GSTZ1: variants seen among roughly 807,000 people sequenced by gnomAD.
GSTZ1 encodes the protein maleylacetoacetate isomerase.
A neutral mutation model predicts 35.9 loss-of-function variants in GSTZ1; 34 were observed. The ratio of observed to expected loss-of-function variants is 0.95; its 90% CI spans 0.72 to 1.26. The LOEUF (loss-of-function observed/expected upper bound fraction) is 1.26. Ranked by LOEUF, GSTZ1 falls within the 50% of genes most tolerant of loss-of-function variation. GSTZ1 has a pLI of 0.00. For synonymous variants in GSTZ1, 93 were observed against 101.2 expected, an observed-to-expected ratio of 0.92 and a Z score of 0.49; for missense variants, 263 against 271.7, an observed-to-expected ratio of 0.97 and a Z score of 0.23.
intron 7 of GSTZ1, 164 bp downstream of exon 7, chr14:77,329,971 C>T: frequency 1.5e-6 from 1 of 661,416 alleles, no homozygotes; most frequent in Non-Finnish European, 2.7e-6. Flanking sequence ...GAGGGAGTTA[C>T]TCAAGGTAGA....
At chr14:77,329,721 C>G (rs1316865623) in intron 6 of GSTZ1, 34 bp from the exon 7 acceptor site, 5 of 1,582,432 alleles carry the variant, frequency 3.2e-6, no homozygotes, top group Admixed American at 1.7e-5. Context: ...CCTCCCTGCG[C>G]CCAGAATAAG....
intron 3 of GSTZ1, 32 bp downstream of exon 3, chr14:77,326,937 G>T: frequency 2.7e-6 from 4 of 1,474,744 alleles, no homozygotes; most frequent in Non-Finnish European, 3.8e-6. Flanking sequence ...CACAATGTGG[G>T]AATTGGAGGC....
At chr14:77,330,465 A>G in intron 8 of GSTZ1, 106 bp downstream of exon 8, 2 of 926,898 alleles carry the variant, frequency 2.2e-6, no homozygotes, top group Non-Finnish European at 3.6e-6. Flanking sequence ...CAACCAGCCA[A>G]GGAGCCCACC....
rs994302507 is a variant in GSTZ1, at chr14:77,331,488, A to C, written c.*293A>C. Reference sequence around the variant, plus strand: ...TAAAATGCCTGGCGTGCTCACCGTAACACCACGGGGAAGGCTGTGTGCCTT... The same window carrying C: ...TAAAATGCCTGGCGTGCTCACCGTACCACCACGGGGAAGGCTGTGTGCCTT... On this transcript the variant is annotated 3_prime_UTR_variant, in exon 9 of 9. Coordinates refer to ENST00000216465, the MANE Select transcript of GSTZ1 (RefSeq NM_145870.3). The C allele has an allele frequency of 1.5e-5, 5 of 342,478 alleles. No individual in the cohort carries two copies. The Admixed American group carries it at 2.1e-4, about 14-fold the overall frequency. The allele number at this position is 342,478 out of a possible 1,614,324, so 21.2% of individuals were successfully genotyped here. A position where few individuals can be genotyped will look rare whatever the true frequency, so the allele number is the denominator to read the frequency against.
chr14:77,331,058 C>T lies in GSTZ1; in HGVS notation c.525-11C>T. 1.2e-6 allele frequency: 2 copies of T among 1,612,896 alleles called. No individual in the cohort carries two copies. Among genetic ancestry groups the T allele is most frequent in the Non-Finnish European group, 8.5e-7 (1 of 1,179,174 alleles). On this transcript the variant is annotated splice_polypyrimidine_tract_variant and intron_variant, in intron 8 of 8. Transcript: ENST00000216465. Reference sequence around the variant, plus strand: ...GAAAACCTTAGCTTAGCAGGTGTTTCTCTACTACAGATTCAAGGTGGATCT... The same window carrying T: ...GAAAACCTTAGCTTAGCAGGTGTTTTTCTACTACAGATTCAAGGTGGATCT...
At chr14:77,327,052 G>A (rs1892356109) in intron 3 of GSTZ1, 147 bp downstream of exon 3, 4 of 656,092 alleles carry the variant, frequency 6.1e-6, no homozygotes, top group Non-Finnish European at 1.1e-5. Context: ...TCTCCCTTGT[G>A]GGACAAGGTG....
intron 4 of GSTZ1, 41 bp downstream of exon 4, chr14:77,327,593 G>T (rs1892390721): frequency 7.6e-7 from 1 of 1,317,020 alleles, no homozygotes; most frequent in African/African-American, 1.4e-5. Flanking sequence ...TGAGAGCAGT[G>T]CCCTGAATGA....
chr14:77,330,796 C>A (rs1422472823), intron 8 of GSTZ1, among the ~76,000 whole-genome samples: 1 of 152,288 alleles, frequency 6.6e-6, no homozygotes, highest in East Asian at 1.9e-4. Context: ...AAGAAGCTTA[C>A]AACATGGGGG....
intron 5 of GSTZ1, chr14:77,328,904 A>G (rs533549499): frequency 1.7e-6 from 1 of 587,052 alleles, no homozygotes; most frequent in Non-Finnish European, 3.0e-6. Context: ...TGGCTTTTTG[A>G]GGCCACTGGG....
At chr14:77,321,318 G>A (rs1305880221) in intron 1 of GSTZ1, 135 bp downstream of exon 1, 4 of 1,530,136 alleles carry the variant, frequency 2.6e-6, no homozygotes, top group Non-Finnish European at 2.6e-6. Context: ...CGCCGGGCAC[G>A]CTCTGCGCCT....
At position 77,331,303 on chromosome 14, in the gene GSTZ1, T is replaced by G; in HGVS notation, c.*108T>G. On this transcript the variant is annotated 3_prime_UTR_variant, in exon 9 of 9. Coordinates refer to ENST00000216465, the MANE Select transcript of GSTZ1 (RefSeq NM_145870.3). ...TTGAGGAGATGGGAGACTCGAACTC[T>G]AGCCCTGGATCTGCCTTCCTGCTGA... The G allele has an allele frequency of 1.6e-6, 2 of 1,269,012 alleles. No individual in the cohort carries two copies. The highest frequency in any genetic ancestry group is 1.5e-5 in the South Asian group (1 of 66,694). The allele number at this position is 1,269,012 out of a possible 1,614,324, so 78.6% of individuals were successfully genotyped here.
intron 4 of GSTZ1, 127 bp from the exon 5 acceptor site, chr14:77,327,785 G>A (rs973594110): frequency 3.2e-6 from 3 of 942,070 alleles, no homozygotes; most frequent in Non-Finnish European, 5.0e-6. Flanking sequence ...CTTGAGCTGA[G>A]CAGAAGCAGG....
chr14:77,323,714 T>C (rs1383145770), intron 1 of GSTZ1: 1 of 152,236 alleles, frequency 6.6e-6, no homozygotes, highest in Non-Finnish European at 1.5e-5. Context: ...ACAGAAATTC[T>C]GAGGGCCAGA....
intron 8 of GSTZ1, among the ~76,000 whole-genome samples, chr14:77,330,671 C>G (rs919079604): frequency 6.6e-6 from 1 of 152,130 alleles, no homozygotes; most frequent in Non-Finnish European, 1.5e-5. Context: ...CAGTAGTGAG[C>G]TCTACCTCTG....
At chr14:77,324,484 T>G in intron 1 of GSTZ1, 1 of 855,292 alleles carries the variant, frequency 1.2e-6, no homozygotes, top group South Asian at 1.4e-5. Flanking sequence ...GTTCCCCCAA[T>G]GCCTGGGTAG....
chr14:77,321,613 G>A (rs1354674449), intron 1 of GSTZ1: 2 of 1,006,594 alleles, frequency 2.0e-6, no homozygotes, highest in Admixed American at 4.4e-5. Flanking sequence ...GCCGGGCGCG[G>A]TGGCTCACGC....
At chr14:77,324,361 G>C (rs527879952) in intron 1 of GSTZ1, 1 of 552,258 alleles carries the variant, frequency 1.8e-6, no homozygotes, top group South Asian at 2.0e-5. Flanking sequence ...TGGCCAGGCT[G>C]GTCTCAAACT....
intron 1 of GSTZ1, among the ~76,000 whole-genome samples, chr14:77,321,796 T>A (rs1189482216): frequency 6.7e-6 from 1 of 150,148 alleles, no homozygotes; most frequent in Non-Finnish European, 1.5e-5. Flanking sequence ...GGCAGGAGAA[T>A]AGCGTGAACC....
chr14:77,328,364 G>A (rs1184491463), intron 5 of GSTZ1: 22 of 341,446 alleles, frequency 6.4e-5, no homozygotes, highest in Non-Finnish European at 9.3e-5. Flanking sequence ...AGCAGCTTCC[G>A]TTTCATCTGT....
Sources: gnomAD v4.1 joint callset for allele counts (sites outside exome capture counted in the v4.1 genomes callset) on GRCh38, gnomAD v4.1.1 for gene constraint, MANE v1.5 for transcripts, NCBI Gene and HGNC (gene_info 2026-07-23, HGNC 2026-07-21) for gene names.